ANK2: variants seen among roughly 807,000 people sequenced by gnomAD.
The protein encoded by ANK2 is ankyrin 2, also known as ankyrin-2.
In ANK2, 83 loss-of-function variants were observed where a neutral mutation model predicts 360.5. The ratio of observed to expected loss-of-function variants is 0.23; its 90% confidence interval spans 0.19 to 0.28. ANK2 has a LOEUF of 0.28. Among genes scored for constraint, ANK2 ranks in the 10% least tolerant of loss-of-function variants. The probability of loss-of-function intolerance (pLI) is 1.00; values close to 1 mark genes in which losing one functional copy is unlikely to be tolerated. For synonymous variants in ANK2, 1,740 were observed against 1,759.5 expected (o/e 0.99, Z 0.28); for missense variants, 4,201 against 4,795.7 (o/e 0.88, Z 3.66).
At chr4:112,998,376 C>A (rs763170766) in intron 2 of ANK2, among the ~76,000 whole-genome samples, 3 of 152,076 alleles carry the variant, frequency 2.0e-5, no homozygotes, top group Non-Finnish European at 4.4e-5. Context: ...GTACCATTTG[C>A]CAGAAGTGTC....
chr4:113,243,881 G>T (rs899085263), intron 9 of ANK2, among the ~76,000 whole-genome samples: 12 of 152,030 alleles, frequency 7.9e-5, no homozygotes, highest in African/African-American at 2.9e-4. Flanking sequence ...TTTTATCTTG[G>T]CCAATGTCTT....
rs1589521374 is a variant in ANK2, at chr4:113,383,107, A to T, written c.*1636A>T. On this transcript the variant is annotated 3_prime_UTR_variant, in exon 46 of 46. Coordinates refer to ENST00000357077, the MANE Select transcript of ANK2 (RefSeq NM_001148.6). The stretch of plus-strand genomic sequence containing the variant: ...TATTCAATGAAGATGAAATTTAAAT[A>T]AAAAAGGACAGAGTCTATCCTCCAG... 2 of 152,668 alleles carry T rather than the reference A, an allele frequency of 1.3e-5. No individual in the cohort carries two copies. The highest frequency in any genetic ancestry group is 3.8e-4 in the East Asian group (2 of 5,204). The allele number at this position is 152,668 out of a possible 1,614,324, so 9.5% of individuals were successfully genotyped here.
At chr4:113,042,420 C>A (rs1394702108) in intron 2 of ANK2, among the ~76,000 whole-genome samples, 2 of 152,126 alleles carry the variant, frequency 1.3e-5, no homozygotes, top group African/African-American at 4.8e-5. Context: ...CATAATAAAT[C>A]CCCTCATCTA....
chr4:112,830,646 C>T (rs573021103), intron 1 of ANK2, among the ~76,000 whole-genome samples: 9 of 152,046 alleles, frequency 5.9e-5, no homozygotes, highest in South Asian at 2.1e-4. Flanking sequence ...GAGGTGACAA[C>T]GTGCTAACAG....
At chr4:113,048,266 ATATATATATATT>A (rs2154320544), upstream of ANK2, among the ~76,000 whole-genome samples, 5 of 82,776 alleles carry the variant, frequency 6.0e-5, no homozygotes, top group African/African-American at 3.9e-4. Context: ...ATATATATAT[ATATATATATATT>A]TTTTTTTTTT....
At chr4:112,784,588 C>T in the ANK2 span, among the ~76,000 whole-genome samples, 13,109 of 151,868 alleles carry the variant, frequency 0.086, 709 homozygotes, top group Non-Finnish European at 0.12. Flanking sequence ...CATGATCCGC[C>T]CGCCTCGGCC....
intron 2 of ANK2, among the ~76,000 whole-genome samples, chr4:112,983,403 G>T (rs934199900): frequency 2.6e-5 from 4 of 151,470 alleles, no homozygotes; most frequent in African/African-American, 7.3e-5. Context: ...GAGGCCGGGC[G>T]CAGTGGCTCA....
chr4:112,968,086 T>C lies in ANK2; in HGVS notation c.21+63572T>C, dbSNP rs139928376. On this transcript the variant is annotated intron_variant, in intron 2 of 30. Coordinates refer to the ANK2 transcript ENST00000503271. ...GGGAGATTTGCCCAATCATGGAATGTGTAACTTTCAGAAGCATTGAACTTT... is the reference window on the plus strand; with the variant it reads ...GGGAGATTTGCCCAATCATGGAATGCGTAACTTTCAGAAGCATTGAACTTT... Among the ~76,000 whole-genome samples the C allele has an allele frequency of 3.2e-3, 490 of 152,320 alleles. 2 individuals are homozygous for C. Among genetic ancestry groups the C allele is most frequent in the African/African-American group, 0.011 (453 of 41,558 alleles).
chr4:112,744,059 A>G, the ANK2 span, among the ~76,000 whole-genome samples: 1 of 150,688 alleles, frequency 6.6e-6, no homozygotes, highest in South Asian at 2.1e-4. Flanking sequence ...GCTGGTCTCG[A>G]ATTCTGCCCA....
At chr4:112,786,997 C>T in the ANK2 span, among the ~76,000 whole-genome samples, 1 of 152,132 alleles carries the variant, frequency 6.6e-6, no homozygotes, top group African/African-American at 2.4e-5. Flanking sequence ...GATCCGCCCA[C>T]CTTGGTCTCC....
intron 1 of ANK2, among the ~76,000 whole-genome samples, chr4:113,156,136 A>C (rs1475245036): frequency 6.6e-6 from 1 of 152,220 alleles, no homozygotes; most frequent in East Asian, 1.9e-4. Flanking sequence ...AGTGTTGCTT[A>C]AAATAATGAA....
intron 1 of ANK2, among the ~76,000 whole-genome samples, chr4:113,058,503 T>C (rs2071322532): frequency 6.6e-6 from 1 of 152,120 alleles, no homozygotes; most frequent in African/African-American, 2.4e-5. Context: ...ATTCAAAACA[T>C]TAGGAGAACT....
At chr4:113,270,687 T>G (rs1305707019) in intron 14 of ANK2, among the ~76,000 whole-genome samples, 1 of 152,198 alleles carries the variant, frequency 6.6e-6, no homozygotes, top group African/African-American at 2.4e-5. Context: ...TGTGAAGCAG[T>G]GCTCCCTAAA....
chr4:113,108,994 A>G (rs1016931900), intron 1 of ANK2, among the ~76,000 whole-genome samples: 1 of 152,212 alleles, frequency 6.6e-6, no homozygotes, highest in Non-Finnish European at 1.5e-5. Context: ...AGAAAAGAGT[A>G]TATCTTTCTG....
chr4:113,258,070 C>T lies in ANK2; in HGVS notation c.1209C>T (p.His403=), dbSNP rs748292788. The T allele has an allele frequency of 1.2e-6, 2 of 1,614,128 alleles. No individual in the cohort carries two copies. The highest frequency in any genetic ancestry group is 2.2e-5 in the East Asian group (1 of 44,882). Residue 403 remains histidine (H), a synonymous_variant, in exon 12 of 46, where the codon CAC becomes CAT. Coordinates refer to ENST00000357077, the MANE Select transcript of ANK2 (RefSeq NM_001148.6). ...CACAGAATGGTTTTACTCCACTGCA[C>T]ATTGCCTGCAAGAAAAACCGCATCA... is the stretch of plus-strand genomic sequence containing the variant. ...ARALNGFTPL[H]IACKKNRIKV...
intron 1 of ANK2, among the ~76,000 whole-genome samples, chr4:113,161,536 T>C (rs1001164482): frequency 6.6e-6 from 1 of 152,168 alleles, no homozygotes; most frequent in Non-Finnish European, 1.5e-5. Flanking sequence ...CATAGCACAA[T>C]GGTAAATTTA....
At chr4:113,327,626 G>A (rs2090652675) in intron 26 of ANK2, among the ~76,000 whole-genome samples, 1 of 152,190 alleles carries the variant, frequency 6.6e-6, no homozygotes, top group South Asian at 2.1e-4. Flanking sequence ...AAGAAATATG[G>A]AGAACATGTT....
chr4:112,786,959 G>A, the ANK2 span, among the ~76,000 whole-genome samples: 19 of 151,896 alleles, frequency 1.3e-4, no homozygotes, highest in Non-Finnish European at 2.2e-4. Flanking sequence ...ATGTTGGCCA[G>A]GTTGGTCTCC....
rs1462832568 is a variant in ANK2 at position 113,317,704 on chromosome 4, C to T, written c.2694-3C>T. 6.2e-7 allele frequency: 1 copy of T among 1,613,132 alleles called. No homozygotes were observed. The highest frequency in any genetic ancestry group is 1.1e-5 in the South Asian group (1 of 91,046). The stretch of plus-strand genomic sequence containing the variant: ...ATGCCATGGCCTCCTGCCAACCTAC[C>T]AGCCTTCGATCCTTCAGTTCCGACA... On this transcript the variant is annotated splice_region_variant and splice_polypyrimidine_tract_variant and intron_variant, in intron 24 of 45. Transcript: ENST00000357077.
Sources: allele counts gnomAD v4.1 joint callset (sites outside exome capture counted in the v4.1 genomes callset), GRCh38; gene constraint gnomAD v4.1.1; transcripts MANE v1.5; gene names NCBI Gene and HGNC (gene_info 2026-07-23, HGNC 2026-07-21).